Variants in RANBP2 observed in about 807,000 individuals in gnomAD.
The protein encoded by RANBP2 is E3 SUMO-protein ligase RanBP2.
A neutral mutation model predicts 303.6 loss-of-function variants in RANBP2; 57 were observed. The ratio of observed to expected loss-of-function variants is 0.19; its 90% confidence interval spans 0.15 to 0.23. The LOEUF (loss-of-function observed/expected upper bound fraction) is 0.23. RANBP2 is among the 10% of genes least tolerant of loss of function. The pLI, the probability that RANBP2 is intolerant of heterozygous loss-of-function variation, is 1.00. For missense variants in RANBP2, 3,138 were observed against 3,780.8 expected (o/e 0.83, Z 4.46); for synonymous variants, 1,167 against 1,301.5 (o/e 0.90, Z 2.23).
the RANBP2 span, among the ~76,000 whole-genome samples, chr2:108,907,094 C>G: frequency 1.3e-5 from 2 of 152,240 alleles, no homozygotes; most frequent in Non-Finnish European, 2.9e-5. Flanking sequence ...CTCACCCCTG[C>G]CCTGCTCCTG....
At chr2:109,404,487 G>A in the RANBP2 span, among the ~76,000 whole-genome samples, 1 of 152,158 alleles carries the variant, frequency 6.6e-6, no homozygotes, top group Admixed American at 6.5e-5. Flanking sequence ...ACAGAAAGAT[G>A]GGGGAGTGGG....
the RANBP2 span, among the ~76,000 whole-genome samples, chr2:109,202,808 G>A: frequency 6.6e-6 from 1 of 152,188 alleles, no homozygotes; most frequent in Non-Finnish European, 1.5e-5. Flanking sequence ...AAAGGGGGTC[G>A]AGAGCCCCAT....
the RANBP2 span, among the ~76,000 whole-genome samples, chr2:109,452,137 C>CA: frequency 6.6e-6 from 1 of 152,232 alleles, no homozygotes; most frequent in Non-Finnish European, 1.5e-5. Flanking sequence ...AAGGCATTTA[C>CA]AGCTGCCATT....
At chr2:109,678,787 T>A in the RANBP2 span, among the ~76,000 whole-genome samples, 1 of 151,876 alleles carries the variant, frequency 6.6e-6, no homozygotes, top group East Asian at 1.9e-4. Flanking sequence ...GCTGCACGAG[T>A]GGCTGAAGAA....
the RANBP2 span, among the ~76,000 whole-genome samples, chr2:109,467,217 T>G: frequency 6.6e-6 from 1 of 152,218 alleles, no homozygotes; most frequent in East Asian, 1.9e-4. Context: ...TGTGACAGCC[T>G]CAGACTGGAA....
the RANBP2 span, among the ~76,000 whole-genome samples, chr2:109,430,004 A>G: frequency 6.6e-6 from 1 of 152,184 alleles, no homozygotes; most frequent in East Asian, 1.9e-4. Flanking sequence ...CTGAGCCCCT[A>G]GCTCTGCACC....
At chr2:109,013,812 C>T in the RANBP2 span, among the ~76,000 whole-genome samples, 4 of 152,048 alleles carry the variant, frequency 2.6e-5, no homozygotes, top group South Asian at 2.1e-4. Context: ...CTCTTGACCT[C>T]GTGATCTGCC....
chr2:109,672,359 C>A, the RANBP2 span, among the ~76,000 whole-genome samples: 2 of 152,180 alleles, frequency 1.3e-5, no homozygotes, highest in African/African-American at 2.4e-5. Context: ...ATTGAGTGAA[C>A]CATATACCCT....
At chr2:109,432,710 C>A in the RANBP2 span, 1 of 1,589,426 alleles carries the variant, frequency 6.3e-7, no homozygotes, top group Non-Finnish European at 8.6e-7. Context: ...AAGGAGAGGG[C>A]AAGGGCCTGC....
At chr2:109,035,368 A>C in the RANBP2 span, among the ~76,000 whole-genome samples, 1 of 152,006 alleles carries the variant, frequency 6.6e-6, no homozygotes, top group East Asian at 1.9e-4. Context: ...ATCTGGACAT[A>C]ACACAACAGA....
chr2:109,488,339 A>T, the RANBP2 span, among the ~76,000 whole-genome samples: 1 of 152,172 alleles, frequency 6.6e-6, no homozygotes, highest in Non-Finnish European at 1.5e-5. Flanking sequence ...GTCTTCAGAC[A>T]TTGCCACCTG....
the RANBP2 span, chr2:108,856,999 G>C: frequency 9.0e-7 from 1 of 1,114,606 alleles, no homozygotes; most frequent in Non-Finnish European, 1.2e-6. Flanking sequence ...TATGTGTAAA[G>C]AAAGCAGGAT....
chr2:109,705,757 C>G, the RANBP2 span, among the ~76,000 whole-genome samples: 1 of 152,162 alleles, frequency 6.6e-6, no homozygotes, highest in African/African-American at 2.4e-5. Flanking sequence ...GGTGGGAGTT[C>G]AGGTCTCAGT....
At chr2:109,423,816 A>C in the RANBP2 span, among the ~76,000 whole-genome samples, 10 of 152,208 alleles carry the variant, frequency 6.6e-5, no homozygotes, top group Non-Finnish European at 1.5e-4. Flanking sequence ...AGTGAGCCTG[A>C]GAACCAGTGG....
the RANBP2 span, among the ~76,000 whole-genome samples, chr2:108,871,370 TAAAAAAA>T: frequency 5.0e-4 from 38 of 76,652 alleles, 1 homozygote; most frequent in Middle Eastern, 7.8e-3. Context: ...CCAACTCTAT[TAAAAAAA>T]AAAAAAAAAA....
chr2:108,896,812 C>T, the RANBP2 span: 2 of 1,288,562 alleles, frequency 1.6e-6, no homozygotes, highest in Non-Finnish European at 2.2e-6. Flanking sequence ...TCACAAAAGC[C>T]TTGATTCTTG....
chr2:109,688,570 A>T, the RANBP2 span, among the ~76,000 whole-genome samples: 4 of 151,904 alleles, frequency 2.6e-5, no homozygotes, highest in African/African-American at 9.7e-5. Flanking sequence ...AGGTCAAGAG[A>T]TCAAGACCAT....
chr2:108,932,617 G>A, the RANBP2 span, among the ~76,000 whole-genome samples: 12 of 151,806 alleles, frequency 7.9e-5, no homozygotes, highest in African/African-American at 2.2e-4. Context: ...GCCAGGGAAC[G>A]GTGGAGAAGA....
At chr2:109,744,463 C>G in the RANBP2 span, among the ~76,000 whole-genome samples, 1 of 86,386 alleles carries the variant, frequency 1.2e-5, no homozygotes. Context: ...TGTTTACATT[C>G]CTTATAGATT....
Sources: gnomAD v4.1 joint callset for allele counts (sites outside exome capture counted in the v4.1 genomes callset) on GRCh38, gnomAD v4.1.1 for gene constraint, MANE v1.5 for transcripts, NCBI Gene and HGNC (gene_info 2026-07-23, HGNC 2026-07-21) for gene names.